TMTC2: variants seen among roughly 807,000 people sequenced by gnomAD.
TMTC2 encodes protein O-mannosyl-transferase TMTC2.
In TMTC2, 43 loss-of-function variants were observed where a neutral mutation model predicts 82.4. The observed-to-expected ratio is 0.52, with a 90% CI of 0.41 to 0.67. TMTC2 has a LOEUF of 0.67. TMTC2 is among the 30% of genes least tolerant of loss of function. The pLI, the probability that TMTC2 is intolerant of heterozygous loss-of-function variation, is 0.00. For synonymous variants in TMTC2, 408 were observed against 381.9 expected (o/e 1.07, Z -0.80); for missense variants, 919 against 1,012.4 (o/e 0.91, Z 1.25).
At chr12:82,870,250 A>G (rs537185336) in intron 2 of TMTC2, among the ~76,000 whole-genome samples, 64 of 152,144 alleles carry the variant, frequency 4.2e-4, no homozygotes, top group African/African-American at 1.4e-3. Context: ...TCCCACCTCA[A>G]ATAGCTTCAG....
chr12:83,000,165 C>T (rs376635653), intron 8 of TMTC2, among the ~76,000 whole-genome samples: 5 of 151,994 alleles, frequency 3.3e-5, no homozygotes, highest in Middle Eastern at 3.4e-3. Flanking sequence ...GGCAGATTCT[C>T]GCTCTGTCGC....
At chr12:83,098,646 A>C (rs1461728301) in intron 11 of TMTC2, among the ~76,000 whole-genome samples, 3 of 152,184 alleles carry the variant, frequency 2.0e-5, no homozygotes, top group African/African-American at 7.2e-5. Flanking sequence ...TGTTTCTAAC[A>C]CAAGTTTTAT....
chr12:82,992,025 G>A (rs1269494770), intron 8 of TMTC2, among the ~76,000 whole-genome samples: 1 of 152,192 alleles, frequency 6.6e-6, no homozygotes, highest in Non-Finnish European at 1.5e-5. Flanking sequence ...TGGAGACTCT[G>A]ACAGTAATTC....
chr12:83,003,002 G>A (rs556584887), intron 8 of TMTC2, among the ~76,000 whole-genome samples: 24 of 151,992 alleles, frequency 1.6e-4, no homozygotes, highest in African/African-American at 3.6e-4. Context: ...TCTGTCTAAC[G>A]CTGTCAGTGG....
At chr12:83,056,955 G>A (rs987795901) in intron 10 of TMTC2, among the ~76,000 whole-genome samples, 7 of 151,892 alleles carry the variant, frequency 4.6e-5, no homozygotes, top group South Asian at 2.1e-4. Context: ...GTGATTTTAC[G>A]CTTCTAGGAA....
At chr12:82,999,527 A>C (rs890068609) in intron 8 of TMTC2, among the ~76,000 whole-genome samples, 1 of 152,208 alleles carries the variant, frequency 6.6e-6, no homozygotes, top group African/African-American at 2.4e-5. Context: ...AAAGAGGTTT[A>C]ATGGACTTAT....
intron 3 of TMTC2, among the ~76,000 whole-genome samples, chr12:82,910,699 A>G (rs911371298): frequency 5.3e-5 from 8 of 152,102 alleles, no homozygotes; most frequent in Admixed American, 4.6e-4. Context: ...GCTGCTCCCC[A>G]GCCTGGGCTC....
intron 3 of TMTC2, among the ~76,000 whole-genome samples, chr12:82,927,000 A>G (rs777123165): frequency 1.3e-5 from 2 of 152,358 alleles, no homozygotes; most frequent in African/African-American, 4.8e-5. Context: ...GTTTTCATGC[A>G]TAGTAACACA....
At chr12:83,064,949 T>A (rs868134784) in intron 11 of TMTC2, among the ~76,000 whole-genome samples, 2 of 152,112 alleles carry the variant, frequency 1.3e-5, no homozygotes, top group Middle Eastern at 6.8e-3. Context: ...TTTAAATAGT[T>A]CCATTGTCTT....
At chr12:82,782,824 T>G (rs540277870) in intron 1 of TMTC2, among the ~76,000 whole-genome samples, 29 of 152,330 alleles carry the variant, frequency 1.9e-4, no homozygotes, top group African/African-American at 6.3e-4. Flanking sequence ...GAGTTACTTC[T>G]AAGTAGCCTC....
chr12:82,939,596 C>A (rs1435374393), intron 4 of TMTC2, among the ~76,000 whole-genome samples: 1 of 152,028 alleles, frequency 6.6e-6, no homozygotes, highest in Non-Finnish European at 1.5e-5. Flanking sequence ...TGGATACTTA[C>A]CTATCATCTA....
chr12:82,809,732 C>A (rs1354398343), intron 1 of TMTC2, among the ~76,000 whole-genome samples: 10 of 152,026 alleles, frequency 6.6e-5, no homozygotes, highest in Non-Finnish European at 7.4e-5. Context: ...TTGCCTGGAG[C>A]ACAGTAGTTT....
At position 82,752,147 on chromosome 12, in the gene TMTC2, C is replaced by CATTTTTTTTTTTTTTTTTTT. The variant is rs58427886; in HGVS notation, c.83+64478_83+64479insATTTTTTTTTTTTTTTTTTT. On this transcript the variant is annotated intron_variant, in intron 1 of 11. Coordinates refer to ENST00000321196, the MANE Select transcript of TMTC2 (RefSeq NM_152588.3). ...ATGTTTTTATATTTATTGGAAGCTC[C>CATTTTTTTTTTTTTTTTTTT]TTTTTTTTTTTTTTTTTTTCTGAAG... 1.0e-4 allele frequency among the ~76,000 whole-genome samples: 14 copies of CATTTTTTTTTTTTTTTTTTT among 137,928 alleles called. 7 individuals carry two copies. The highest frequency in any genetic ancestry group is 1.2e-4 in the Non-Finnish European group (8 of 66,034). The allele number at this position is 137,928 out of a possible 152,430, so 90.5% of individuals were successfully genotyped here. A position where few individuals can be genotyped will look rare whatever the true frequency, so the allele number is the denominator to read the frequency against.
chr12:82,735,647 C>A (rs541956827), intron 1 of TMTC2, among the ~76,000 whole-genome samples: 1 of 150,702 alleles, frequency 6.6e-6, no homozygotes, highest in Non-Finnish European at 1.5e-5. Flanking sequence ...ACCCAGCCCC[C>A]CTAATTTTGA....
At chr12:82,808,444 T>C (rs2137046085) in intron 1 of TMTC2, among the ~76,000 whole-genome samples, 1 of 152,234 alleles carries the variant, frequency 6.6e-6, no homozygotes, top group African/African-American at 2.4e-5. Context: ...TTCTTTTATG[T>C]ATATCATCTT....
intron 8 of TMTC2, among the ~76,000 whole-genome samples, chr12:83,004,312 G>T (rs544818756): frequency 6.6e-6 from 1 of 152,140 alleles, no homozygotes; most frequent in African/African-American, 2.4e-5. Context: ...TTTGGAGTGT[G>T]TTGTGACTTT....
intron 7 of TMTC2, 117 bp from the exon 8 acceptor site, chr12:82,985,808 A>T: frequency 7.8e-7 from 1 of 1,281,354 alleles, no homozygotes; most frequent in Non-Finnish European, 1.1e-6. Flanking sequence ...GAATGAAAGT[A>T]CTTCCCACAG....
intron 1 of TMTC2, among the ~76,000 whole-genome samples, chr12:82,731,120 A>T (rs1191864155): frequency 6.6e-6 from 1 of 152,250 alleles, no homozygotes; most frequent in African/African-American, 2.4e-5. Context: ...CATTCAACAA[A>T]TGAAAAAAAA....
At chr12:83,060,152 AAC>A (rs977162970) in intron 10 of TMTC2, among the ~76,000 whole-genome samples, 1 of 151,802 alleles carries the variant, frequency 6.6e-6, no homozygotes, top group African/African-American at 2.4e-5. Context: ...TATAAATTGC[AAC>A]AGCACGTTGT....
Sources: gnomAD v4.1 joint callset for allele counts (sites outside exome capture counted in the v4.1 genomes callset) on GRCh38, gnomAD v4.1.1 for gene constraint, MANE v1.5 for transcripts, NCBI Gene and HGNC (gene_info 2026-07-23, HGNC 2026-07-21) for gene names.